PHACTR3: variants seen among roughly 807,000 people sequenced by gnomAD.
The protein encoded by PHACTR3 is protein phosphatase 1, regulatory subunit 123.
In PHACTR3, 16 loss-of-function variants were observed where a neutral mutation model predicts 66.8. That is an observed-to-expected ratio of 0.24 (90% CI 0.16 to 0.36). PHACTR3 has a LOEUF of 0.36. Among genes scored for constraint, PHACTR3 ranks in the 10% least tolerant of loss-of-function variants. The pLI, the probability that PHACTR3 is intolerant of heterozygous loss-of-function variation, is 1.00. For missense variants in PHACTR3, 647 were observed against 719.9 expected (o/e 0.90, Z 1.16); for synonymous variants, 323 against 292.1 (o/e 1.11, Z -1.08).
intron 1 of PHACTR3, among the ~76,000 whole-genome samples, chr20:59,670,948 C>T (rs1220789311): frequency 1.3e-5 from 2 of 152,168 alleles, no homozygotes; most frequent in Non-Finnish European, 2.9e-5. Flanking sequence ...ACTTTCTGCT[C>T]CCAGACCAAG....
At chr20:59,742,371 C>T (rs979629909) in intron 1 of PHACTR3, among the ~76,000 whole-genome samples, 18 of 152,202 alleles carry the variant, frequency 1.2e-4, no homozygotes, top group African/African-American at 2.4e-4. Flanking sequence ...CTTCCTAGGA[C>T]GTTCATCTTC....
chr20:59,712,825 C>T (rs2037955803), intron 1 of PHACTR3, among the ~76,000 whole-genome samples: 1 of 152,178 alleles, frequency 6.6e-6, no homozygotes, highest in African/African-American at 2.4e-5. Context: ...GTTAATTCAA[C>T]TTTCAGTGTT....
chr20:59,834,498 T>C (rs1280394909), intron 8 of PHACTR3, among the ~76,000 whole-genome samples: 1 of 152,210 alleles, frequency 6.6e-6, no homozygotes, highest in Non-Finnish European at 1.5e-5. Context: ...CTTTACCTAA[T>C]TCCTTCTCCA....
At chr20:59,581,902 A>C (rs2032873203) in intron 1 of PHACTR3, among the ~76,000 whole-genome samples, 1 of 151,046 alleles carries the variant, frequency 6.6e-6, no homozygotes, top group Admixed American at 6.6e-5. Context: ...AAAAAGTCCT[A>C]GCCTGTAGTT....
intron 8 of PHACTR3, among the ~76,000 whole-genome samples, chr20:59,831,452 C>G (rs1330806581): frequency 2.0e-5 from 3 of 152,174 alleles, no homozygotes; most frequent in African/African-American, 7.2e-5. Flanking sequence ...CTTTAATTAA[C>G]TGCCACACTC....
chr20:59,624,025 G>C (rs1037858233), intron 1 of PHACTR3, among the ~76,000 whole-genome samples: 1 of 152,152 alleles, frequency 6.6e-6, no homozygotes, highest in African/African-American at 2.4e-5. Context: ...CAGGAGAAGT[G>C]GGGGAGAGTG....
chr20:59,692,543 A>G (rs1453115838), intron 1 of PHACTR3, among the ~76,000 whole-genome samples: 3 of 152,232 alleles, frequency 2.0e-5, no homozygotes, highest in African/African-American at 7.2e-5. Context: ...ACATTTTTGG[A>G]CAATGTGCCC....
intron 1 of PHACTR3, among the ~76,000 whole-genome samples, chr20:59,714,729 G>A (rs1051019186): frequency 3.3e-5 from 5 of 152,162 alleles, no homozygotes; most frequent in Non-Finnish European, 5.9e-5. Flanking sequence ...CCTTTTGTAA[G>A]TTGGATTGGA....
intron 7 of PHACTR3, among the ~76,000 whole-genome samples, chr20:59,793,664 C>T (rs2041167192): frequency 6.6e-6 from 1 of 151,970 alleles, no homozygotes; most frequent in South Asian, 2.1e-4. Context: ...TTTATTTTAA[C>T]AGTTTTTTGG....
intron 12 of PHACTR3, among the ~76,000 whole-genome samples, chr20:59,845,809 T>C (rs2059137308): frequency 6.6e-6 from 1 of 152,180 alleles, no homozygotes; most frequent in Admixed American, 6.5e-5. Context: ...GGAGTTTATG[T>C]CCCATTGGGA....
Position 59,829,751 on chromosome 20 carries a change from C to G in PHACTR3, c.1329-6754C>G, listed in dbSNP as rs1490346703. 6.6e-6 allele frequency among the ~76,000 whole-genome samples: 1 copy of G among 152,240 alleles called. No homozygotes were observed. Among genetic ancestry groups the G allele is most frequent in the Non-Finnish European group, 1.5e-5 (1 of 68,038 alleles). ...CTGTGGGTGTCGAGCTGTCTGTTCT[C>G]TCTAGGAAGGCATTCTGCCTTGTAT... is the stretch of plus-strand genomic sequence containing the variant. On this transcript the variant is annotated intron_variant, in intron 8 of 12. Coordinates refer to ENST00000371015, the MANE Select transcript of PHACTR3 (RefSeq NM_080672.5). This position sits in a 1 kb window ranked among gnomAD's most constrained non-coding sequence, Gnocchi z 4.2.
intron 1 of PHACTR3, among the ~76,000 whole-genome samples, chr20:59,734,494 G>A (rs2038876138): frequency 6.6e-6 from 1 of 152,096 alleles, no homozygotes; most frequent in South Asian, 2.1e-4. Context: ...ATGCCCTCAA[G>A]CAGCCCTCCT....
intron 1 of PHACTR3, among the ~76,000 whole-genome samples, chr20:59,659,825 AC>A (rs899087452): frequency 6.6e-6 from 1 of 152,032 alleles, no homozygotes; most frequent in Non-Finnish European, 1.5e-5. Context: ...AGCTTTCTGA[AC>A]CTTGGAGTGC....
chr20:59,759,234 C>T (rs2146837356), intron 4 of PHACTR3, among the ~76,000 whole-genome samples: 1 of 152,242 alleles, frequency 6.6e-6, no homozygotes, highest in South Asian at 2.1e-4. Context: ...GACCCTGCGC[C>T]AGGGACATCG....
At chr20:59,795,865 G>A (rs2041239317) in intron 7 of PHACTR3, among the ~76,000 whole-genome samples, 1 of 152,060 alleles carries the variant, frequency 6.6e-6, no homozygotes, top group African/African-American at 2.4e-5. Context: ...CCTTAGAGGT[G>A]AAGTGAATCT....
At chr20:59,790,044 T>C (rs1009790267) in intron 7 of PHACTR3, among the ~76,000 whole-genome samples, 5 of 152,366 alleles carry the variant, frequency 3.3e-5, no homozygotes, top group African/African-American at 1.2e-4. Flanking sequence ...GAAAAAGATA[T>C]CTCATCATGA....
chr20:59,683,669 A>C (rs11699790), intron 1 of PHACTR3, among the ~76,000 whole-genome samples: 4,760 of 152,304 alleles, frequency 0.031, 88 homozygotes, highest in Middle Eastern at 0.065. Context: ...AGAGGGTCTT[A>C]TGTATTATCC....
intron 4 of PHACTR3, among the ~76,000 whole-genome samples, chr20:59,756,923 C>A (rs933381143): frequency 6.6e-6 from 1 of 152,118 alleles, no homozygotes; most frequent in East Asian, 1.9e-4. Flanking sequence ...AGTGAACAGA[C>A]AACCTACAGA....
chr20:59,678,965 T>TGGGGGGG (rs576468250), intron 1 of PHACTR3, among the ~76,000 whole-genome samples: 1 of 74,500 alleles, frequency 1.3e-5, no homozygotes, highest in African/African-American at 4.9e-5. Context: ...CTGGGTGGGG[T>TGGGGGGG]GGGGGGGCAA....
Sources: allele counts gnomAD v4.1 joint callset (sites outside exome capture counted in the v4.1 genomes callset), GRCh38; gene constraint gnomAD v4.1.1; non-coding constraint Gnocchi (gnomAD v3.1); transcripts MANE v1.5; gene names NCBI Gene and HGNC (gene_info 2026-07-23, HGNC 2026-07-21).